SMARCAD1: variants seen among roughly 807,000 people sequenced by gnomAD.
SMARCAD1 encodes the protein SWI/SNF-related matrix-associated actin-dependent regulator of chromatin subfamily A containing DEAD/H box 1.
In SMARCAD1, 25 loss-of-function variants were observed where a neutral mutation model predicts 127.1. That is an observed-to-expected ratio of 0.20 (90% CI 0.14 to 0.27). The LOEUF (loss-of-function observed/expected upper bound fraction) is 0.27. SMARCAD1 is among the 10% of genes least tolerant of loss of function. The pLI is 1.00. For synonymous variants in SMARCAD1, 400 were observed against 396.9 expected, an observed-to-expected ratio of 1.01 and a Z score of -0.09; for missense variants, 807 against 1,206.0, an observed-to-expected ratio of 0.67 and a Z score of 4.90.
intron 2 of SMARCAD1, among the ~76,000 whole-genome samples, chr4:94,222,387 G>C (rs1257294512): frequency 6.6e-6 from 1 of 152,084 alleles, no homozygotes; most frequent in Non-Finnish European, 1.5e-5. Context: ...TAAAGAGTAC[G>C]AAGGGGTTCT....
At chr4:94,216,351 G>A (rs769513272) in intron 2 of SMARCAD1, among the ~76,000 whole-genome samples, 2 of 152,072 alleles carry the variant, frequency 1.3e-5, no homozygotes, top group Non-Finnish European at 2.9e-5. Flanking sequence ...TTTTTATGTG[G>A]TCACCTTGTT....
At chr4:94,259,198 GTTGAGGTTA>G (rs1344668223) in intron 9 of SMARCAD1, among the ~76,000 whole-genome samples, 1 of 152,224 alleles carries the variant, frequency 6.6e-6, no homozygotes, top group Non-Finnish European at 1.5e-5. Context: ...GATGGTGGAT[GTTGAGGTTA>G]TTGAAGCAAC....
At chr4:94,228,837 C>T (rs1745405776) in intron 3 of SMARCAD1, among the ~76,000 whole-genome samples, 1 of 152,016 alleles carries the variant, frequency 6.6e-6, no homozygotes, top group Non-Finnish European at 1.5e-5. Flanking sequence ...CTCATTTAAT[C>T]TGAAACTATT....
intron 3 of SMARCAD1, 109 bp downstream of exon 3, chr4:94,226,405 T>C: frequency 5.0e-5 from 42 of 832,916 alleles, no homozygotes; most frequent in East Asian, 8.0e-5. Context: ...TTTTTTTCTT[T>C]TTTTTTTTTG....
At chr4:94,233,475 C>T (rs566582551) in intron 3 of SMARCAD1, among the ~76,000 whole-genome samples, 3 of 152,220 alleles carry the variant, frequency 2.0e-5, no homozygotes, top group Non-Finnish European at 4.4e-5. Context: ...TTGTTTCTGG[C>T]AGAGATTCCT....
intron 6 of SMARCAD1, among the ~76,000 whole-genome samples, chr4:94,245,421 G>A (rs1044287965): frequency 2.0e-5 from 3 of 152,180 alleles, no homozygotes; most frequent in African/African-American, 7.2e-5. Flanking sequence ...GAAGATATTA[G>A]GATAGTCTTG....
upstream of SMARCAD1, chr4:94,207,816 T>C (rs1412019194): frequency 9.9e-6 from 3 of 302,978 alleles, no homozygotes; most frequent in African/African-American, 6.6e-5. Context: ...CTCTGAACCT[T>C]CCTGTGTGTT....
intron 23 of SMARCAD1, 132 bp from the exon 24 acceptor site, chr4:94,289,341 G>T: frequency 1.3e-6 from 1 of 748,332 alleles, no homozygotes; most frequent in Non-Finnish European, 2.3e-6. Flanking sequence ...TTTAACAGGG[G>T]TGAGTGACAC....
chr4:94,261,745 G>A (rs1444280586), intron 9 of SMARCAD1, among the ~76,000 whole-genome samples: 1 of 152,108 alleles, frequency 6.6e-6, no homozygotes, highest in Non-Finnish European at 1.5e-5. Context: ...GAGTAGCTGG[G>A]ACCACAGGCA....
At chr4:94,277,358 A>G (rs895786019) in intron 16 of SMARCAD1, among the ~76,000 whole-genome samples, 199 bp downstream of exon 16, 18 of 151,604 alleles carry the variant, frequency 1.2e-4, no homozygotes, top group African/African-American at 4.4e-4. Flanking sequence ...TCCCTAATCA[A>G]TGGCCAGAAG....
intron 2 of SMARCAD1, among the ~76,000 whole-genome samples, chr4:94,210,452 A>G (rs1376101231): frequency 2.0e-5 from 3 of 152,322 alleles, no homozygotes; most frequent in South Asian, 2.1e-4. Flanking sequence ...GGTGAAAGAA[A>G]GTTTTAAAAG....
chr4:94,287,395 G>A (rs927218219), intron 23 of SMARCAD1, among the ~76,000 whole-genome samples: 2 of 152,106 alleles, frequency 1.3e-5, no homozygotes, highest in Non-Finnish European at 2.9e-5. Context: ...AATTGACTAT[G>A]TATTGCTTTT....
chr4:94,287,322 T>C (rs935608946), intron 23 of SMARCAD1, among the ~76,000 whole-genome samples: 8 of 152,220 alleles, frequency 5.3e-5, no homozygotes, highest in African/African-American at 1.9e-4. Context: ...AATACATGTA[T>C]GCCCTTCTTT....
At chr4:94,208,292 G>A (rs1319323247) in intron 1 of SMARCAD1, 54 bp from the exon 2 acceptor site, 9 of 1,211,938 alleles carry the variant, frequency 7.4e-6, no homozygotes, top group Non-Finnish European at 1.2e-6. Flanking sequence ...CTGTGGCATT[G>A]TATCGTATAT....
In SMARCAD1 at chr4:94,290,128, C is replaced by T. The variant is rs1018162936; in HGVS notation, c.*594C>T. 8.8e-6 allele frequency: 4 copies of T among 454,376 alleles called. No individual in the cohort carries two copies. Among genetic ancestry groups the T allele is most frequent in the Non-Finnish European group, 1.8e-5 (4 of 226,766 alleles). 28.1% of individuals were successfully genotyped at this position (454,376 alleles called of 1,614,324 possible). A position where few individuals can be genotyped will look rare whatever the true frequency, so the allele number is the denominator to read the frequency against. On this transcript the variant is annotated 3_prime_UTR_variant, in exon 24 of 24. Coordinates refer to ENST00000354268, the MANE Select transcript of SMARCAD1 (RefSeq NM_020159.5). ...AACATCCCCCAGGTCCTCTCAAGTA[C>T]TTCTGCTGAAACAAATTTATTTGGC...
chr4:94,262,832 A>T (rs1209064979), intron 9 of SMARCAD1, among the ~76,000 whole-genome samples: 1 of 151,342 alleles, frequency 6.6e-6, no homozygotes, highest in East Asian at 1.9e-4. Flanking sequence ...TTCGTAGACC[A>T]CAAGGACAGG....
intron 6 of SMARCAD1, among the ~76,000 whole-genome samples, chr4:94,245,910 A>G (rs908919717): frequency 8.5e-5 from 13 of 152,204 alleles, no homozygotes; most frequent in African/African-American, 2.7e-4. Flanking sequence ...AGAAGAGGAC[A>G]TGATGACCTT....
At chr4:94,272,660 T>C (rs1209291198) in intron 11 of SMARCAD1, among the ~76,000 whole-genome samples, 5 of 152,344 alleles carry the variant, frequency 3.3e-5, no homozygotes, top group Admixed American at 2.0e-4. Flanking sequence ...TGTGTTCTTA[T>C]ATGTATCAGT....
chr4:94,284,660 T>C (rs1754677631), intron 22 of SMARCAD1, among the ~76,000 whole-genome samples: 1 of 151,090 alleles, frequency 6.6e-6, no homozygotes, highest in African/African-American at 2.4e-5. Flanking sequence ...CTCGAACTGC[T>C]GGCCTCAAGC....
Sources: allele counts gnomAD v4.1 joint callset (sites outside exome capture counted in the v4.1 genomes callset), GRCh38; gene constraint gnomAD v4.1.1; transcripts MANE v1.5; gene names NCBI Gene and HGNC (gene_info 2026-07-23, HGNC 2026-07-21).